Variants in EPHA5 observed in about 807,000 individuals in gnomAD.
The protein encoded by EPHA5 is ephrin type-A receptor 5.
A neutral mutation model predicts 105.0 loss-of-function variants in EPHA5; 60 were observed. That is an observed-to-expected ratio of 0.57 (90% CI 0.46 to 0.71). EPHA5 has a LOEUF of 0.71. Ranked by LOEUF, EPHA5 falls within the 30% of genes least tolerant of loss-of-function variation. The pLI is 0.00. For missense variants in EPHA5, 1,218 were observed against 1,274.7 expected (o/e 0.96, Z 0.68); for synonymous variants, 513 against 449.1 (o/e 1.14, Z -1.80).
chr4:65,330,935 A>T (rs1327078330), intron 16 of EPHA5: 3 of 1,041,902 alleles, frequency 2.9e-6, no homozygotes, highest in Non-Finnish European at 3.5e-6. Context: ...TGAGAATGTG[A>T]CATTAATTGG....
intron 3 of EPHA5, among the ~76,000 whole-genome samples, chr4:65,564,836 T>A (rs1739366832): frequency 6.6e-6 from 1 of 151,746 alleles, no homozygotes; most frequent in African/African-American, 2.4e-5. Flanking sequence ...GCATTACTTA[T>A]CAGGGGCTTC....
At chr4:65,512,034 TAA>T (rs1051871843) in intron 3 of EPHA5, among the ~76,000 whole-genome samples, 2 of 152,130 alleles carry the variant, frequency 1.3e-5, no homozygotes, top group Admixed American at 1.3e-4. Flanking sequence ...TGTGTAAAAG[TAA>T]AAAAGACATG....
chr4:65,506,463 C>T (rs1733035957), intron 3 of EPHA5, among the ~76,000 whole-genome samples: 1 of 145,362 alleles, frequency 6.9e-6, no homozygotes, highest in South Asian at 2.2e-4. Flanking sequence ...TACAGTCCCA[C>T]CAACAGTGTA....
intron 5 of EPHA5, among the ~76,000 whole-genome samples, chr4:65,455,295 T>A (rs1727470453): frequency 1.3e-5 from 2 of 151,864 alleles, no homozygotes; most frequent in Admixed American, 6.6e-5. Context: ...AAAATGAAAA[T>A]TATGTTTCTT....
rs1734308784 is a variant in EPHA5 at position 65,518,351 on chromosome 4, A to G, written c.911-22808T>C. 1.3e-5 allele frequency among the ~76,000 whole-genome samples: 2 copies of G among 151,800 alleles called. 1 individual carries two copies. Among genetic ancestry groups the G allele is most frequent in the South Asian group, 4.2e-4 (2 of 4,812 alleles). ...TGTAAATTAGAGCCCCCAAATCACA[A>G]ATGTATTAGCTTTTATGTTTCATTT... On this transcript the variant is annotated intron_variant, in intron 3 of 16. Coordinates refer to ENST00000613740, the MANE Select transcript of EPHA5 (RefSeq NM_001281766.3).
rs557238312 is a variant in EPHA5 at position 65,557,831 on chromosome 4, C to T, written c.910+43810G>A. On this transcript the variant is annotated intron_variant, in intron 3 of 16. Coordinates refer to ENST00000613740, the MANE Select transcript of EPHA5 (RefSeq NM_001281766.3). ...AAATGCAAAACAATAGCAATGTTCCCAACATTAATGATTGGTCACTGAAAT... is the reference window on the plus strand; with the variant it reads ...AAATGCAAAACAATAGCAATGTTCCTAACATTAATGATTGGTCACTGAAAT... 3.0e-4 allele frequency among the ~76,000 whole-genome samples: 46 copies of T among 151,758 alleles called. No individual in the cohort carries two copies. In the South Asian group the frequency reaches 7.5e-3, roughly 25 times the overall value.
intron 5 of EPHA5, among the ~76,000 whole-genome samples, chr4:65,458,827 G>C (rs1037426316): frequency 6.6e-6 from 1 of 151,952 alleles, no homozygotes; most frequent in African/African-American, 2.4e-5. Flanking sequence ...TTAGTGAACC[G>C]TTCATTTACA....
At position 65,332,138 on chromosome 4, in the gene EPHA5, A is replaced by T; in HGVS notation, c.2790-10T>A. The T allele has an allele frequency of 6.4e-7, 1 of 1,563,998 alleles. No homozygotes were observed. The highest frequency in any genetic ancestry group is 8.6e-7 in the Non-Finnish European group (1 of 1,158,874). On this transcript the variant is annotated splice_polypyrimidine_tract_variant and intron_variant, in intron 15 of 16. Coordinates refer to ENST00000613740, the MANE Select transcript of EPHA5 (RefSeq NM_001281766.3). ...CAATAAATTAGATACTCTAAAACACATAAAACATAAATATTAAAAGTTACA... is the reference window on the plus strand; with the variant it reads ...CAATAAATTAGATACTCTAAAACACTTAAAACATAAATATTAAAAGTTACA...
chr4:65,385,683 GATTA>G (rs1182881008), intron 8 of EPHA5, among the ~76,000 whole-genome samples: 2 of 151,714 alleles, frequency 1.3e-5, no homozygotes, highest in East Asian at 1.9e-4. Flanking sequence ...ACATAACAGT[GATTA>G]ATTATGGTTA....
chr4:65,322,135 A>C lies in EPHA5; in HGVS notation c.*1979T>G, dbSNP rs1719684570. The C allele has an allele frequency of 4.5e-6, 1 of 224,436 alleles. No individual in the cohort carries two copies. Among genetic ancestry groups the C allele is most frequent in the Non-Finnish European group, 8.9e-6 (1 of 112,452 alleles). 13.9% of individuals were successfully genotyped at this position (224,436 alleles called of 1,614,324 possible). A position where few individuals can be genotyped will look rare whatever the true frequency, so the allele number is the denominator to read the frequency against. On this transcript the variant is annotated 3_prime_UTR_variant, in exon 17 of 17. Coordinates refer to ENST00000613740, the MANE Select transcript of EPHA5 (RefSeq NM_001281766.3). The stretch of plus-strand genomic sequence containing the variant: ...AACTAATAGATTATATGTTTGCAGC[A>C]CAGTTTGTGTGGACCCATGGTATAT...
At chr4:65,637,600 G>GTATATATATATATAAA (rs1223225042) in intron 2 of EPHA5, among the ~76,000 whole-genome samples, 1 of 50,630 alleles carries the variant, frequency 2.0e-5, no homozygotes. Flanking sequence ...ATATATATAC[G>GTATATATATATATAAA]TATATGCTAA....
rs556503812 is a variant in EPHA5 at position 65,477,506 on chromosome 4, G to A, written c.1402+12871C>T. On this transcript the variant is annotated intron_variant, in intron 5 of 16. Transcript: ENST00000613740. Reference sequence around the variant, plus strand: ...AGGCTCAGTGAAACCTCTGCCTCCCGGGTTTAAGTGATTCTCCTGCCTCAG... The same window carrying A: ...AGGCTCAGTGAAACCTCTGCCTCCCAGGTTTAAGTGATTCTCCTGCCTCAG... 7.9e-5 allele frequency among the ~76,000 whole-genome samples: 12 copies of A among 151,978 alleles called. No homozygotes were observed. The East Asian group carries it at 1.6e-3, about 20-fold the overall frequency.
At chr4:65,620,178 T>C (rs1745596056) in intron 2 of EPHA5, among the ~76,000 whole-genome samples, 1 of 150,332 alleles carries the variant, frequency 6.7e-6, no homozygotes, top group Admixed American at 6.6e-5. Flanking sequence ...GAATGAAGTA[T>C]GTGCCTAGAA....
rs575395254 is a variant in EPHA5 at position 65,437,341 on chromosome 4, C to G, written c.1403-16776G>C. On this transcript the variant is annotated intron_variant, in intron 5 of 16. Coordinates refer to ENST00000613740, the MANE Select transcript of EPHA5 (RefSeq NM_001281766.3). ...TTGTACTTAGTGGCTATTGTTCTTG[C>G]AAGTGCTGGGAAAACTTCCCAAATA... Among the ~76,000 whole-genome samples, 6 of 152,088 alleles carry G rather than the reference C, an allele frequency of 3.9e-5. No individual in the cohort carries two copies. In the South Asian group the frequency reaches 1.2e-3, roughly 32 times the overall value.
chr4:65,568,861 A>G (rs1739828066), intron 3 of EPHA5, among the ~76,000 whole-genome samples: 1 of 151,074 alleles, frequency 6.6e-6, no homozygotes, highest in Admixed American at 6.6e-5. Flanking sequence ...TTCTCTAGTG[A>G]TCTTTAGTTT....
chr4:65,547,592 T>A (rs986878791), intron 3 of EPHA5, among the ~76,000 whole-genome samples: 1 of 152,234 alleles, frequency 6.6e-6, no homozygotes, highest in African/African-American at 2.4e-5. Context: ...TTTATTACAA[T>A]GAAATAGGTA....
At chr4:65,351,029 T>C (rs1205459819) in intron 13 of EPHA5, among the ~76,000 whole-genome samples, 1 of 79,084 alleles carries the variant, frequency 1.3e-5, no homozygotes, top group African/African-American at 4.2e-5. Flanking sequence ...GACACATACA[T>C]ACTATATATA....
chr4:65,468,602 AT>A (rs398051184), intron 5 of EPHA5, among the ~76,000 whole-genome samples: 200 of 11,022 alleles, frequency 0.018, 2 homozygotes, highest in Middle Eastern at 0.1. Context: ...TAATATATAT[AT>A]TATATATATT....
chr4:65,528,806 C>T (rs2149296734), intron 3 of EPHA5, among the ~76,000 whole-genome samples: 1 of 152,236 alleles, frequency 6.6e-6, no homozygotes, highest in Non-Finnish European at 1.5e-5. Flanking sequence ...CACTTCTTTC[C>T]CCGTTCCATA....
Sources: allele counts gnomAD v4.1 joint callset (sites outside exome capture counted in the v4.1 genomes callset), GRCh38; gene constraint gnomAD v4.1.1; transcripts MANE v1.5; gene names NCBI Gene and HGNC (gene_info 2026-07-23, HGNC 2026-07-21).